Variants in SLC44A1 observed in about 807,000 individuals in gnomAD.
SLC44A1 encodes the protein solute carrier family 44 member 1.
Under a neutral mutation model 79.3 loss-of-function variants are expected in SLC44A1, and 26 were observed. The observed-to-expected ratio is 0.33, with a 90% confidence interval of 0.24 to 0.46. SLC44A1 has a LOEUF of 0.46. Among genes scored for constraint, SLC44A1 ranks in the 20% least tolerant of loss-of-function variants. The probability of loss-of-function intolerance (pLI) is 1.00; values close to 1 mark genes in which losing one functional copy is unlikely to be tolerated. For missense variants in SLC44A1, 688 were observed against 798.1 expected, an observed-to-expected ratio of 0.86 and a Z score of 1.66; for synonymous variants, 263 against 286.2, an observed-to-expected ratio of 0.92 and a Z score of 0.82.
At chr9:105,404,029 G>A (rs535274990) in intron 15 of SLC44A1, among the ~76,000 whole-genome samples, 1 of 151,930 alleles carries the variant, frequency 6.6e-6, no homozygotes, top group African/African-American at 2.4e-5. Context: ...GGCATGGGGT[G>A]AGTTGCTTCT....
chr9:105,375,347 C>T (rs969505430), intron 13 of SLC44A1, among the ~76,000 whole-genome samples: 3 of 152,120 alleles, frequency 2.0e-5, no homozygotes, highest in African/African-American at 4.8e-5. Context: ...GCCCTCTTTA[C>T]GTGTTTTGAA....
At chr9:105,361,106 A>AG in intron 7 of SLC44A1, 85 bp from the exon 8 acceptor site, 1 of 1,311,330 alleles carries the variant, frequency 7.6e-7, no homozygotes, top group South Asian at 1.2e-5. Flanking sequence ...GATGATCTGT[A>AG]GGAAGGGTCA....
rs181431194 is a variant in SLC44A1 at position 105,423,656 on chromosome 9, G to A, written c.1951-14625G>A. On this transcript the variant is annotated intron_variant, in intron 15 of 15. Transcript: ENST00000374724. Reference sequence around the variant, plus strand: ...GAATGAATTATAATACATCTAAACCGCTTCTTCCTCTAACCTTTCATATCT... The same window carrying A: ...GAATGAATTATAATACATCTAAACCACTTCTTCCTCTAACCTTTCATATCT... Among the ~76,000 whole-genome samples, 529 of 152,222 alleles carry A rather than the reference G, an allele frequency of 3.5e-3. 3 individuals are homozygous for A. The highest frequency in any genetic ancestry group is 0.011 in the Admixed American group (167 of 15,292).
rs768958162 is a variant in SLC44A1, at chr9:105,374,718, A to T, written c.1615A>T (p.Met539Leu). The T allele has an allele frequency of 3.7e-6, 6 of 1,611,794 alleles. No homozygotes were observed. In the Admixed American group the frequency reaches 5.0e-5, roughly 14 times the overall value. The change falls in exon 13 of 16, where the codon ATG becomes TTG. Residue 539 changes from methionine (M) to leucine (L), a missense_variant. Coordinates refer to ENST00000374720, the MANE Select transcript of SLC44A1 (RefSeq NM_080546.5). The part of the protein sequence containing the change: ...VATINTVGDF[M>L]LFLGKVLIVC... ...TACCATCAACACAGTAGGAGATTTT[A>T]TGTTATTCCTTGGCAAGGTAAAACC...
chr9:105,406,797 C>T (rs1829035111), intron 15 of SLC44A1, among the ~76,000 whole-genome samples: 1 of 152,092 alleles, frequency 6.6e-6, no homozygotes, highest in South Asian at 2.1e-4. Flanking sequence ...AGATATTTGA[C>T]TTACTAAACA....
intron 5 of SLC44A1, among the ~76,000 whole-genome samples, chr9:105,353,587 A>G (rs1002924674): frequency 1.4e-4 from 22 of 152,152 alleles, no homozygotes; most frequent in Non-Finnish European, 2.9e-5. Context: ...AAAGTAAGAG[A>G]GAGAGATGGA....
Position 105,396,019 on chromosome 9 carries a change from G to A in SLC44A1, c.*6963G>A. The A allele has an allele frequency of 1.0e-6, 1 of 984,992 alleles. No homozygotes were observed. The highest frequency in any genetic ancestry group is 1.2e-6 in the Non-Finnish European group (1 of 829,884). 61.0% of individuals were successfully genotyped at this position (984,992 alleles called of 1,614,324 possible). A position where few individuals can be genotyped will look rare whatever the true frequency, so the allele number is the denominator to read the frequency against. On this transcript the variant is annotated 3_prime_UTR_variant, in exon 16 of 16. Transcript: ENST00000374720. ...TAAGTAGATTTTCCCCCATCCTCTA[G>A]GTTCCTGTAGTCTGTGCTCAGAACT...
chr9:105,433,567 A>G (rs1174216853), intron 15 of SLC44A1, among the ~76,000 whole-genome samples: 1 of 152,090 alleles, frequency 6.6e-6, no homozygotes, highest in Non-Finnish European at 1.5e-5. Flanking sequence ...TATCATATTA[A>G]GTCAGGGGGA....
In SLC44A1 at chr9:105,391,315, G is replaced by A. The variant is rs1037111068; in HGVS notation, c.*2259G>A. On this transcript the variant is annotated 3_prime_UTR_variant, in exon 16 of 16. Transcript: ENST00000374720. ...TCATTTGCAACTAGAACTGTAATCA[G>A]AAAGAAATTTTGTATTTTTGTATAA... The A allele has an allele frequency of 5.1e-6, 5 of 985,636 alleles. No individual in the cohort carries two copies. In the African/African-American group the frequency reaches 5.2e-5, roughly 10 times the overall value. The allele number at this position is 985,636 out of a possible 1,614,324, so 61.1% of individuals were successfully genotyped here. A position where few individuals can be genotyped will look rare whatever the true frequency, so the allele number is the denominator to read the frequency against.
At chr9:105,365,960 C>G (rs1352006559) in intron 11 of SLC44A1, among the ~76,000 whole-genome samples, 1 of 152,206 alleles carries the variant, frequency 6.6e-6, no homozygotes, top group Non-Finnish European at 1.5e-5. Flanking sequence ...AAATTCTACT[C>G]CTTTGTAGAA....
At chr9:105,367,596 T>C (rs1226418811) in intron 12 of SLC44A1, among the ~76,000 whole-genome samples, 1 of 152,182 alleles carries the variant, frequency 6.6e-6, no homozygotes, top group Admixed American at 6.5e-5. Flanking sequence ...CTAAATAGCT[T>C]ATCCTCGGAG....
intron 15 of SLC44A1, 79 bp from the exon 16 acceptor site, chr9:105,388,954 G>A (rs1445937714): frequency 3.8e-6 from 4 of 1,066,038 alleles, no homozygotes; most frequent in Non-Finnish European, 5.8e-6. Context: ...GTGACCATGT[G>A]TATATTTGTA....
chr9:105,311,567 T>C (rs1286627810), intron 3 of SLC44A1, among the ~76,000 whole-genome samples: 1 of 152,196 alleles, frequency 6.6e-6, no homozygotes, highest in African/African-American at 2.4e-5. Context: ...TATGTACCTT[T>C]CAGCCTCTTC....
At chr9:105,406,839 C>A (rs1437677868) in intron 15 of SLC44A1, among the ~76,000 whole-genome samples, 5 of 151,884 alleles carry the variant, frequency 3.3e-5, no homozygotes, top group African/African-American at 1.2e-4. Context: ...TAAATATGCT[C>A]AAAGACACAA....
At chr9:105,367,078 C>CT (rs1827964165) in intron 12 of SLC44A1, among the ~76,000 whole-genome samples, 1 of 151,960 alleles carries the variant, frequency 6.6e-6, no homozygotes, top group South Asian at 2.1e-4. Flanking sequence ...GGTTAGTCCT[C>CT]TATCTTTCTA....
chr9:105,267,523 A>G (rs1209939288), intron 1 of SLC44A1, among the ~76,000 whole-genome samples: 1 of 152,142 alleles, frequency 6.6e-6, no homozygotes, highest in Non-Finnish European at 1.5e-5. Flanking sequence ...ACAATGCAAT[A>G]GATTTCCTTA....
intron 15 of SLC44A1, among the ~76,000 whole-genome samples, chr9:105,423,242 T>A (rs1829277139): frequency 6.6e-6 from 1 of 152,016 alleles, no homozygotes; most frequent in Non-Finnish European, 1.5e-5. Flanking sequence ...GGTGGGCGGA[T>A]CACCTGAGGT....
intron 9 of SLC44A1, 27 bp downstream of exon 9, chr9:105,363,034 G>A: frequency 6.6e-7 from 1 of 1,507,748 alleles, no homozygotes; most frequent in Non-Finnish European, 9.1e-7. Flanking sequence ...CTTTCTCTTA[G>A]TGACAAACGT....
chr9:105,435,858 A>G (rs1829457557), intron 15 of SLC44A1, among the ~76,000 whole-genome samples: 1 of 152,224 alleles, frequency 6.6e-6, no homozygotes, highest in Non-Finnish European at 1.5e-5. Context: ...GGAACTCTAT[A>G]TTATCTTTGC....
Sources: gnomAD v4.1 joint callset for allele counts (sites outside exome capture counted in the v4.1 genomes callset) on GRCh38, gnomAD v4.1.1 for gene constraint, MANE v1.5 for transcripts, NCBI Gene and HGNC (gene_info 2026-07-23, HGNC 2026-07-21) for gene names.